The following FAR2 variants were observed in gnomAD, a reference collection of about 807,000 sequenced individuals.
FAR2 encodes epididymis secretory protein Li 81.
In FAR2, 19 loss-of-function variants were observed where a neutral mutation model predicts 56.0. The observed-to-expected ratio is 0.34, with a 90% CI of 0.24 to 0.50. FAR2 has a LOEUF of 0.50. FAR2 is among the 20% of genes least tolerant of loss of function. The probability of loss-of-function intolerance (pLI) is 0.98; values close to 1 mark genes in which losing one functional copy is unlikely to be tolerated. For missense variants in FAR2, 508 were observed against 642.2 expected, an observed-to-expected ratio of 0.79 and a Z score of 2.26; for synonymous variants, 219 against 218.8, an observed-to-expected ratio of 1.00 and a Z score of -0.01.
intron 1 of FAR2, among the ~76,000 whole-genome samples, chr12:29,166,270 TAATATC>T (rs1220619386): frequency 1.3e-5 from 2 of 152,242 alleles, no homozygotes; most frequent in African/African-American, 4.8e-5. Flanking sequence ...GTACAGACTT[TAATATC>T]TATATCTATA....
At chr12:29,257,981 C>T (rs1379420683) in intron 1 of FAR2, among the ~76,000 whole-genome samples, 2 of 152,146 alleles carry the variant, frequency 1.3e-5, no homozygotes, top group Non-Finnish European at 2.9e-5. Flanking sequence ...GCTCTATAGC[C>T]TTAATCCTAC....
At chr12:29,215,723 C>G (rs1019657337) in intron 1 of FAR2, among the ~76,000 whole-genome samples, 2 of 152,022 alleles carry the variant, frequency 1.3e-5, no homozygotes, top group Non-Finnish European at 2.9e-5. Context: ...TCCACTGTCA[C>G]CAAGGCCTAT....
Position 29,333,636 on chromosome 12 carries a change from C to T in FAR2, c.1390C>T (p.Arg464Ter), listed in dbSNP as rs371049471. Reference sequence around the variant, plus strand: ...TTATGTCTGTCTGTTCCCTAGGCTCCGAAATATTCACTACCTCTTTAATAC... The same window carrying T: ...TTATGTCTGTCTGTTCCCTAGGCTCTGAAATATTCACTACCTCTTTAATAC... The part of the protein sequence containing the change: ...PKAKQRLKRL[R>*]NIHYLFNTAL... The change falls in exon 12 of 12, where the codon CGA (arginine) becomes TGA (stop). Residue 464 changes from arginine to a stop codon, truncating the protein, a stop_gained. Transcript: ENST00000536681. LOFTEE classifies it high-confidence loss of function. 3.7e-6 allele frequency: 6 copies of T among 1,612,322 alleles called. No homozygotes were observed. Among genetic ancestry groups the T allele is most frequent in the African/African-American group, 1.3e-5 (1 of 74,858 alleles).
At chr12:29,323,565 C>G (rs964471385) in intron 10 of FAR2, among the ~76,000 whole-genome samples, 1 of 152,170 alleles carries the variant, frequency 6.6e-6, no homozygotes, top group African/African-American at 2.4e-5. Context: ...GAGGAATGAT[C>G]AGGCAGCAGA....
intron 1 of FAR2, among the ~76,000 whole-genome samples, chr12:29,158,971 T>G (rs748834497): frequency 6.6e-6 from 1 of 152,204 alleles, no homozygotes; most frequent in Non-Finnish European, 1.5e-5. Context: ...TTTGTACTAT[T>G]TACTGAGTAC....
At chr12:29,260,289 A>G (rs1426577882) in intron 1 of FAR2, among the ~76,000 whole-genome samples, 1 of 152,224 alleles carries the variant, frequency 6.6e-6, no homozygotes, top group East Asian at 1.9e-4. Flanking sequence ...AAGAGGTAGA[A>G]GAAACATCTC....
At chr12:29,216,277 T>A (rs1253855368) in intron 1 of FAR2, among the ~76,000 whole-genome samples, 3 of 152,218 alleles carry the variant, frequency 2.0e-5, no homozygotes, top group Non-Finnish European at 4.4e-5. Flanking sequence ...ATTTACAACG[T>A]CCCACCCAAT....
intron 4 of FAR2, among the ~76,000 whole-genome samples, chr12:29,305,256 C>A (rs982683013): frequency 1.3e-5 from 2 of 152,138 alleles, no homozygotes; most frequent in African/African-American, 4.8e-5. Context: ...GCCTCAGCCT[C>A]CTGAGTAGCT....
chr12:29,245,223 G>A (rs1243437111), intron 1 of FAR2, among the ~76,000 whole-genome samples: 8 of 152,006 alleles, frequency 5.3e-5, no homozygotes, highest in African/African-American at 1.2e-4. Context: ...CTCGTGATCC[G>A]CCCACCTCAG....
intron 1 of FAR2, among the ~76,000 whole-genome samples, chr12:29,218,319 A>G (rs1947647388): frequency 6.6e-6 from 1 of 151,678 alleles, no homozygotes; most frequent in South Asian, 2.1e-4. Context: ...AGATCATGCC[A>G]CTGCACTCCA....
chr12:29,221,838 C>T (rs991454464), intron 1 of FAR2, among the ~76,000 whole-genome samples: 3 of 152,052 alleles, frequency 2.0e-5, no homozygotes, highest in African/African-American at 7.2e-5. Context: ...AGAATTGCTT[C>T]AAATTTTCCA....
chr12:29,186,701 G>A (rs1261538626), intron 1 of FAR2, among the ~76,000 whole-genome samples: 1 of 152,004 alleles, frequency 6.6e-6, no homozygotes, highest in African/African-American at 2.4e-5. Context: ...GATAGTACCT[G>A]AGCACAAGTT....
chr12:29,273,219 T>G (rs988907986), intron 2 of FAR2, among the ~76,000 whole-genome samples: 1 of 152,180 alleles, frequency 6.6e-6, no homozygotes, highest in Non-Finnish European at 1.5e-5. Flanking sequence ...TTGCCCTGAT[T>G]CCTCAGAACT....
intron 8 of FAR2, among the ~76,000 whole-genome samples, chr12:29,313,590 C>G (rs1483795137): frequency 6.6e-6 from 1 of 151,860 alleles, no homozygotes; most frequent in Non-Finnish European, 1.5e-5. Context: ...TGTATTGCTT[C>G]AATAGTTAAA....
chr12:29,296,967 A>G, intron 3 of FAR2, 54 bp from the exon 4 acceptor site: 1 of 1,481,650 alleles, frequency 6.7e-7, no homozygotes, highest in South Asian at 1.4e-5. Context: ...CAGTTATAGC[A>G]AGGCATGATA....
intron 9 of FAR2, among the ~76,000 whole-genome samples, chr12:29,319,304 C>A (rs971692897): frequency 1.3e-5 from 2 of 152,136 alleles, no homozygotes; most frequent in Non-Finnish European, 2.9e-5. Flanking sequence ...GGGTACAAAA[C>A]AGTATGTCTT....
intron 1 of FAR2, among the ~76,000 whole-genome samples, chr12:29,185,544 CA>C (rs1950033542): frequency 6.6e-6 from 1 of 152,104 alleles, no homozygotes; most frequent in South Asian, 2.1e-4. Flanking sequence ...AATAAGCCAT[CA>C]TTAGACATTA....
At chr12:29,289,888 A>G (rs1383828873) in intron 2 of FAR2, among the ~76,000 whole-genome samples, 2 of 152,240 alleles carry the variant, frequency 1.3e-5, no homozygotes, top group Non-Finnish European at 2.9e-5. Flanking sequence ...AAATATTTGA[A>G]TAACCATTTC....
At chr12:29,298,494 T>A (rs1200321376) in intron 4 of FAR2, among the ~76,000 whole-genome samples, 1 of 152,170 alleles carries the variant, frequency 6.6e-6, no homozygotes, top group Non-Finnish European at 1.5e-5. Context: ...AGAATAGATA[T>A]TTTTGTCTGT....
Sources: allele counts gnomAD v4.1 joint callset (sites outside exome capture counted in the v4.1 genomes callset), GRCh38; gene constraint gnomAD v4.1.1; transcripts MANE v1.5; gene names NCBI Gene and HGNC (gene_info 2026-07-23, HGNC 2026-07-21).